TANC2: variants seen among roughly 807,000 people sequenced by gnomAD.
TANC2 encodes tetratricopeptide repeat, ankyrin repeat and coiled-coil containing 2, also known as protein TANC2.
TANC2 carries 26 observed loss-of-function variants against 210.5 expected under a neutral mutation model. The ratio of observed to expected loss-of-function variants is 0.12; its 90% CI spans 0.09 to 0.17. The LOEUF is 0.17. Ranked by LOEUF, TANC2 falls within the 10% of genes least tolerant of loss-of-function variation. The probability of loss-of-function intolerance (pLI) is 1.00; values close to 1 mark genes in which losing one functional copy is unlikely to be tolerated. For missense variants in TANC2, 2,129 were observed against 2,608.9 expected (o/e 0.82, Z 4.01); for synonymous variants, 931 against 967.1 (o/e 0.96, Z 0.69).
At chr17:63,160,008 C>T (rs904095376) in intron 5 of TANC2, among the ~76,000 whole-genome samples, 61 of 152,352 alleles carry the variant, frequency 4.0e-4, no homozygotes, top group Non-Finnish European at 1.8e-4. Context: ...ACTGCCTTCT[C>T]ACTGTGTCCT....
chr17:63,264,554 CTTGGATT>C (rs1422138140), intron 8 of TANC2, among the ~76,000 whole-genome samples: 1 of 152,102 alleles, frequency 6.6e-6, no homozygotes, highest in Non-Finnish European at 1.5e-5. Context: ...ATGTTGAGAA[CTTGGATT>C]GAAAGCTTCA....
At chr17:63,108,228 A>G (rs1316227743) in intron 4 of TANC2, among the ~76,000 whole-genome samples, 2 of 151,908 alleles carry the variant, frequency 1.3e-5, no homozygotes, top group East Asian at 3.9e-4. Context: ...GATAATTTGA[A>G]TAATAAGCAA....
intron 8 of TANC2, among the ~76,000 whole-genome samples, chr17:63,262,600 C>G (rs1390465653): frequency 6.6e-6 from 1 of 150,768 alleles, no homozygotes; most frequent in African/African-American, 2.4e-5. Flanking sequence ...AGTCTTCATT[C>G]TTGATGGGTC....
chr17:63,005,896 T>TTGTG (rs56763847), intron 1 of TANC2, among the ~76,000 whole-genome samples: 5,612 of 132,796 alleles, frequency 0.042, 181 homozygotes, highest in East Asian at 0.14. Flanking sequence ...GCTGTATAGT[T>TTGTG]TGTGTGTGTG....
chr17:63,091,136 A>G (rs1262844399), intron 3 of TANC2, among the ~76,000 whole-genome samples: 2 of 152,000 alleles, frequency 1.3e-5, no homozygotes, highest in Non-Finnish European at 1.5e-5. Flanking sequence ...GTAGATTGCA[A>G]AAATTTTCTC....
intron 2 of TANC2, among the ~76,000 whole-genome samples, chr17:63,053,219 G>A (rs765095660): frequency 3.9e-5 from 6 of 152,084 alleles, no homozygotes; most frequent in Non-Finnish European, 5.9e-5. Context: ...GGGACCTACC[G>A]TCTTTGTCCA....
intron 4 of TANC2, among the ~76,000 whole-genome samples, chr17:63,106,469 A>G (rs2037827171): frequency 6.6e-6 from 1 of 151,640 alleles, no homozygotes. Context: ...TGCCGAACCA[A>G]CTAAACAGTG....
At chr17:63,233,739 C>T (rs1238953850) in intron 7 of TANC2, among the ~76,000 whole-genome samples, 1 of 152,176 alleles carries the variant, frequency 6.6e-6, no homozygotes, top group Non-Finnish European at 1.5e-5. Flanking sequence ...CACCACTGGC[C>T]CCAACCCACC....
intron 1 of TANC2, among the ~76,000 whole-genome samples, chr17:63,007,534 A>T (rs1256513184): frequency 6.6e-6 from 1 of 152,042 alleles, no homozygotes; most frequent in Non-Finnish European, 1.5e-5. Context: ...TTTTTCTCTT[A>T]TGTCTTACTT....
At chr17:63,360,391 G>A (rs1252138381) in intron 14 of TANC2, among the ~76,000 whole-genome samples, 3 of 152,166 alleles carry the variant, frequency 2.0e-5, no homozygotes, top group Non-Finnish European at 4.4e-5. Context: ...GGGCCTCTTA[G>A]AACTAAATCA....
In TANC2 at chr17:63,253,185, A is replaced by G. The variant is rs370874588; in HGVS notation, c.1034-14563A>G. 2.6e-4 allele frequency among the ~76,000 whole-genome samples: 39 copies of G among 152,236 alleles called. 1 individual carries two copies. The highest frequency in any genetic ancestry group is 7.2e-4 in the Admixed American group (11 of 15,300). Reference sequence around the variant, plus strand: ...ATATCTCGCTGAAGTTTTGATTTGCATTTCTCTGATGTCAGTGATGTTTAG... The same window carrying G: ...ATATCTCGCTGAAGTTTTGATTTGCGTTTCTCTGATGTCAGTGATGTTTAG... On this transcript the variant is annotated intron_variant, in intron 8 of 27. Coordinates refer to ENST00000689528, the Ensembl canonical transcript of TANC2.
intron 11 of TANC2, among the ~76,000 whole-genome samples, chr17:63,320,692 T>C (rs1245212067): frequency 1.3e-5 from 2 of 152,346 alleles, no homozygotes; most frequent in East Asian, 3.9e-4. Context: ...CTATTCTTAT[T>C]CCTAATCCTT....
intron 8 of TANC2, among the ~76,000 whole-genome samples, chr17:63,264,998 C>T (rs1000718997): frequency 6.6e-6 from 1 of 152,176 alleles, no homozygotes; most frequent in Non-Finnish European, 1.5e-5. Flanking sequence ...TTGCCAACAT[C>T]ACTCCCAAAT....
At chr17:63,326,725 C>T (rs1367599604) in intron 11 of TANC2, among the ~76,000 whole-genome samples, 2 of 150,472 alleles carry the variant, frequency 1.3e-5, no homozygotes, top group Non-Finnish European at 3.0e-5. Context: ...GTGAGACTGT[C>T]AAAAACAACA....
At position 63,143,635 on chromosome 17, in the gene TANC2, G is replaced by A. The variant is rs536039874; in HGVS notation, c.323-7635G>A. ...TTGTTACCTGCAGGTAAATATGCTAGTATACCTTCTCAAATTCCATTATTT... is the reference window on the plus strand; with the variant it reads ...TTGTTACCTGCAGGTAAATATGCTAATATACCTTCTCAAATTCCATTATTT... On this transcript the variant is annotated intron_variant, in intron 4 of 27. Transcript: ENST00000689528. 1.3e-3 allele frequency among the ~76,000 whole-genome samples: 191 copies of A among 152,212 alleles called. 1 individual carries two copies. The South Asian group carries it at 0.019, about 16-fold the overall frequency.
At chr17:63,238,536 C>T (rs2042685369) in intron 8 of TANC2, among the ~76,000 whole-genome samples, 1 of 152,130 alleles carries the variant, frequency 6.6e-6, no homozygotes. Context: ...AAGAATTCAG[C>T]TTTTCCTCAT....
intron 5 of TANC2, among the ~76,000 whole-genome samples, chr17:63,169,352 A>C (rs190600245): frequency 8.7e-4 from 132 of 152,298 alleles, no homozygotes; most frequent in African/African-American, 3.1e-3. Flanking sequence ...AAATAAATGA[A>C]GCTAGGATGA....
At chr17:63,052,351 C>A (rs1266330759) in intron 2 of TANC2, among the ~76,000 whole-genome samples, 5 of 152,158 alleles carry the variant, frequency 3.3e-5, no homozygotes, top group Admixed American at 2.6e-4. Flanking sequence ...CAGCTCAACT[C>A]TGCTAGACAC....
intron 11 of TANC2, 128 bp downstream of exon 11, chr17:63,319,218 T>C: frequency 1.0e-6 from 1 of 952,986 alleles, no homozygotes; most frequent in Middle Eastern, 3.3e-4. Context: ...TGGAGGAAAG[T>C]TTCTCTTTCT....
Sources: gnomAD v4.1 joint callset for allele counts (sites outside exome capture counted in the v4.1 genomes callset) on GRCh38, gnomAD v4.1.1 for gene constraint, MANE v1.5 for transcripts, NCBI Gene and HGNC (gene_info 2026-07-23, HGNC 2026-07-21) for gene names.